Variants in MCCC1 observed in about 807,000 individuals in gnomAD.
MCCC1 encodes the protein methylcrotonyl-CoA carboxylase subunit 1.
In MCCC1, 64 loss-of-function variants were observed where a neutral mutation model predicts 83.8. The observed-to-expected ratio is 0.76, with a 90% CI of 0.62 to 0.94. The LOEUF (loss-of-function observed/expected upper bound fraction) is 0.94, where lower values mean the gene tolerates loss of function less well. Ranked by LOEUF, MCCC1 falls within the 40% of genes least tolerant of loss-of-function variation. The pLI is 0.00. For missense variants in MCCC1, 807 were observed against 904.7 expected (o/e 0.89, Z 1.39); for synonymous variants, 322 against 315.4 (o/e 1.02, Z -0.22).
intron 7 of MCCC1, among the ~76,000 whole-genome samples, chr3:183,057,752 G>A (rs900684365): frequency 4.6e-5 from 7 of 152,138 alleles, no homozygotes; most frequent in African/African-American, 1.2e-4. Flanking sequence ...CATGCTTGTA[G>A]TCCCAGCTAC....
rs549248178 is a variant in MCCC1, at chr3:183,042,126, T to TA, written c.1084-377dup. ...ACTTAATTCCCAAATCAATTTTTTT[T>TA]AAAAAATAGTATATTATTAGTGTTT... On this transcript the variant is annotated intron_variant, in intron 10 of 18. Transcript: ENST00000265594. 1.1e-4 allele frequency among the ~76,000 whole-genome samples: 17 copies of TA among 152,276 alleles called. 1 individual carries two copies. In the East Asian group the frequency reaches 1.9e-3, roughly 17 times the overall value.
Position 183,071,263 on chromosome 3 carries a change from T to G in MCCC1, c.586A>C (p.Arg196=), listed in dbSNP as rs750922662. 4 of 1,614,242 alleles carry G rather than the reference T, an allele frequency of 2.5e-6. No homozygotes were observed. Among genetic ancestry groups the G allele is most frequent in the Non-Finnish European group, 3.4e-6 (4 of 1,180,040 alleles). ...ATCATGACAGGATAGCCAATTCTCC[T>G]GGCGTGTTCCTTCAGGCACTGGTCT... ...QSDQCLKEHA[R]RIGYPVMIKA... The change falls in exon 6 of 19, where the codon AGG becomes CGG. Residue 196 remains arginine, a synonymous_variant. Coordinates refer to ENST00000265594, the MANE Select transcript of MCCC1 (RefSeq NM_020166.5).
At chr3:183,114,720 G>A (rs1719561868) in intron 1 of MCCC1, among the ~76,000 whole-genome samples, 1 of 152,210 alleles carries the variant, frequency 6.6e-6, no homozygotes, top group African/African-American at 2.4e-5. Flanking sequence ...AGTGACTCTA[G>A]ATCTAAAAAT....
rs1038254568 is a variant in MCCC1 at position 183,095,245 on chromosome 3, T to C, written c.90-640A>G. ...TTGCAGTGAGCCGAGACTGGGCCAC[T>C]GCACTCCAGCCTGGGTGACAGAGCG... On this transcript the variant is annotated intron_variant, in intron 1 of 18. Coordinates refer to ENST00000265594, the MANE Select transcript of MCCC1 (RefSeq NM_020166.5). Among the ~76,000 whole-genome samples, 84 of 151,438 alleles carry C rather than the reference T, an allele frequency of 5.5e-4. 1 individual carries two copies. The highest frequency in any genetic ancestry group is 1.1e-3 in the Non-Finnish European group (73 of 67,888).
intron 4 of MCCC1, among the ~76,000 whole-genome samples, chr3:183,082,102 A>G (rs576131394): frequency 6.6e-6 from 1 of 152,312 alleles, no homozygotes; most frequent in African/African-American, 2.4e-5. Context: ...CGGCCCCCCA[A>G]GTGTTCTTTC....
At chr3:183,075,128 T>C (rs1716973009) in intron 4 of MCCC1, among the ~76,000 whole-genome samples, 1 of 152,222 alleles carries the variant, frequency 6.6e-6, no homozygotes, top group African/African-American at 2.4e-5. Flanking sequence ...CTGATGGGCA[T>C]TTAGGCTGAT....
chr3:183,084,157 G>A (rs893048222), intron 4 of MCCC1, among the ~76,000 whole-genome samples: 9 of 152,208 alleles, frequency 5.9e-5, no homozygotes, highest in Admixed American at 5.9e-4. Context: ...TCAGCCTTCT[G>A]AGTAGCTGGG....
upstream of MCCC1, among the ~76,000 whole-genome samples, chr3:183,100,262 T>G (rs1279314487): frequency 6.6e-6 from 1 of 152,232 alleles, no homozygotes; most frequent in Non-Finnish European, 1.5e-5. Flanking sequence ...TTTGCTTAAC[T>G]TCAAGTGAAC....
chr3:183,053,148 G>A (rs940484484), intron 8 of MCCC1, among the ~76,000 whole-genome samples: 2 of 152,112 alleles, frequency 1.3e-5, no homozygotes, highest in Non-Finnish European at 2.9e-5. Flanking sequence ...GGGTGTGTTT[G>A]TGTCTTCATT....
intron 7 of MCCC1, among the ~76,000 whole-genome samples, chr3:183,061,699 G>T (rs142174935): frequency 3.9e-5 from 6 of 152,296 alleles, no homozygotes; most frequent in Admixed American, 3.9e-4. Flanking sequence ...CTTGCCCCAT[G>T]GCCTCAATTC....
At chr3:183,023,616 C>T (rs1219837416) in intron 15 of MCCC1, among the ~76,000 whole-genome samples, 4 of 152,188 alleles carry the variant, frequency 2.6e-5, no homozygotes, top group African/African-American at 9.6e-5. Context: ...AGTAGGCAGA[C>T]TTTCCATGGT....
At chr3:183,041,138 T>G (rs1307415493) in intron 11 of MCCC1, among the ~76,000 whole-genome samples, 1 of 152,232 alleles carries the variant, frequency 6.6e-6, no homozygotes, top group Non-Finnish European at 1.5e-5. Context: ...CTGTGATAGC[T>G]CTTCCACTGT....
At chr3:183,114,792 C>T (rs1368924992) in intron 1 of MCCC1, among the ~76,000 whole-genome samples, 6 of 152,106 alleles carry the variant, frequency 3.9e-5, no homozygotes, top group African/African-American at 1.4e-4. Flanking sequence ...CCACCCTTAG[C>T]CTCCTGCCTC....
intron 7 of MCCC1, among the ~76,000 whole-genome samples, chr3:183,063,335 A>G (rs1039876974): frequency 1.6e-4 from 5 of 30,998 alleles, no homozygotes; most frequent in Admixed American, 4.9e-4. Context: ...ACTGAGGAAG[A>G]AATCTGATTT....
chr3:183,060,238 G>A (rs1332968891), intron 7 of MCCC1, among the ~76,000 whole-genome samples: 2 of 152,026 alleles, frequency 1.3e-5, no homozygotes, highest in African/African-American at 2.4e-5. Flanking sequence ...GATTTTTGTT[G>A]TTGTTGTTGT....
At chr3:183,094,810 G>A (rs1718622811) in intron 1 of MCCC1, among the ~76,000 whole-genome samples, 1 of 152,180 alleles carries the variant, frequency 6.6e-6, no homozygotes, top group Non-Finnish European at 1.5e-5. Flanking sequence ...GTCCTTGAAT[G>A]AGTCACCTAG....
upstream of MCCC1, among the ~76,000 whole-genome samples, chr3:183,103,916 A>G (rs1195195119): frequency 6.6e-6 from 1 of 152,168 alleles, no homozygotes; most frequent in African/African-American, 2.4e-5. Flanking sequence ...AGGCCCGGCG[A>G]GAAATCCAGC....
In MCCC1 at chr3:183,072,059, G is replaced by T. The variant is rs143539150; in HGVS notation, c.491+307C>A. Among the ~76,000 whole-genome samples the T allele has an allele frequency of 4.2e-3, 634 of 151,962 alleles. 3 individuals carry two copies. Among genetic ancestry groups the T allele is most frequent in the African/African-American group, 0.015 (613 of 41,480 alleles). ...TTTTTAAAAAATTTTGTAGAGACAG[G>T]GTCTCCCTGTGTTGCCCAGGCTGGT... On this transcript the variant is annotated intron_variant, in intron 5 of 18. Transcript: ENST00000265594.
intron 3 of MCCC1, among the ~76,000 whole-genome samples, chr3:183,089,932 G>C (rs1210141705): frequency 6.6e-6 from 1 of 152,208 alleles, no homozygotes; most frequent in Non-Finnish European, 1.5e-5. Context: ...TTGAAGTGGA[G>C]ATGTTGAATG....
Sources: allele counts gnomAD v4.1 joint callset (sites outside exome capture counted in the v4.1 genomes callset), GRCh38; gene constraint gnomAD v4.1.1; transcripts MANE v1.5; gene names NCBI Gene and HGNC (gene_info 2026-07-23, HGNC 2026-07-21).